Variants in ERC2 observed in about 807,000 individuals in gnomAD.
ERC2 encodes the protein ERC protein 2.
Under a neutral mutation model 114.8 loss-of-function variants are expected in ERC2, and 42 were observed. The ratio of observed to expected loss-of-function variants is 0.37; its 90% CI spans 0.29 to 0.47. The LOEUF (loss-of-function observed/expected upper bound fraction) is 0.47, where lower values mean the gene tolerates loss of function less well. ERC2 is among the 20% of genes least tolerant of loss of function. The probability of loss-of-function intolerance (pLI) is 0.99; values close to 1 mark genes in which losing one functional copy is unlikely to be tolerated. For missense variants in ERC2, 939 were observed against 1,150.7 expected (o/e 0.82, Z 2.66); for synonymous variants, 454 against 425.5 (o/e 1.07, Z -0.82).
intron 1 of ERC2, among the ~76,000 whole-genome samples, chr3:56,455,889 C>T (rs1486347051): frequency 6.6e-6 from 1 of 152,154 alleles, no homozygotes; most frequent in Non-Finnish European, 1.5e-5. Context: ...ATTTTGTATC[C>T]AGCTCAATCT....
intron 17 of ERC2, among the ~76,000 whole-genome samples, chr3:55,593,396 T>C (rs758371574): frequency 1.3e-5 from 2 of 152,012 alleles, no homozygotes; most frequent in Non-Finnish European, 2.9e-5. Flanking sequence ...AGGATGAAAA[T>C]AGGATGAAAC....
In ERC2 at chr3:55,964,947, C is replaced by T. The variant is rs187342773; in HGVS notation, c.2268-14387G>A. Reference sequence around the variant, plus strand: ...CATGTGGCCTTCTACCTAAGCAGTTCATAACATGCCTGTTTGATTCTTTGA... The same window carrying T: ...CATGTGGCCTTCTACCTAAGCAGTTTATAACATGCCTGTTTGATTCTTTGA... On this transcript the variant is annotated intron_variant, in intron 12 of 17. Transcript: ENST00000288221. Among the ~76,000 whole-genome samples the T allele has an allele frequency of 5.9e-5, 9 of 152,334 alleles. No individual in the cohort carries two copies. The East Asian group carries it at 1.7e-3, about 29-fold the overall frequency.
At chr3:56,362,602 C>A (rs1259774999) in intron 2 of ERC2, among the ~76,000 whole-genome samples, 1 of 152,246 alleles carries the variant, frequency 6.6e-6, no homozygotes, top group African/African-American at 2.4e-5. Context: ...CCCCTTTCAG[C>A]TGCACTCTCA....
intron 3 of ERC2, among the ~76,000 whole-genome samples, chr3:56,250,872 G>T (rs1242535720): frequency 6.6e-6 from 1 of 152,166 alleles, no homozygotes; most frequent in Non-Finnish European, 1.5e-5. Flanking sequence ...CCTTATAACA[G>T]TGAGACCCAG....
chr3:56,360,117 T>G (rs1297438339), intron 2 of ERC2, among the ~76,000 whole-genome samples: 1 of 132,860 alleles, frequency 7.5e-6, no homozygotes, highest in Non-Finnish European at 1.5e-5. Flanking sequence ...CAGGCTGGAG[T>G]GCAGTGAGGT....
At chr3:55,656,148 T>C (rs111491537) in intron 17 of ERC2, among the ~76,000 whole-genome samples, 1 of 151,612 alleles carries the variant, frequency 6.6e-6, no homozygotes, top group East Asian at 1.9e-4. Context: ...ATTTAAAGAA[T>C]TTTTTTTAGA....
chr3:56,041,898 G>A (rs143195361), intron 7 of ERC2, among the ~76,000 whole-genome samples: 225 of 152,302 alleles, frequency 1.5e-3, no homozygotes, highest in African/African-American at 4.7e-3. Context: ...ACACCCTGTT[G>A]CAGAAATGGA....
At chr3:55,949,051 C>T (rs1231321557) in intron 13 of ERC2, among the ~76,000 whole-genome samples, 1 of 152,106 alleles carries the variant, frequency 6.6e-6, no homozygotes, top group African/African-American at 2.4e-5. Flanking sequence ...AAGGTGAGCC[C>T]TAAGGTCAGG....
chr3:55,958,372 TCCATGGGTGG>T (rs1318747223), intron 12 of ERC2, among the ~76,000 whole-genome samples: 1 of 152,162 alleles, frequency 6.6e-6, no homozygotes, highest in Non-Finnish European at 1.5e-5. Flanking sequence ...TGCTGATTGT[TCCATGGGTGG>T]CCATGGGCAG....
intron 13 of ERC2, among the ~76,000 whole-genome samples, chr3:55,909,179 C>T (rs1185729558): frequency 6.6e-6 from 1 of 152,208 alleles, no homozygotes; most frequent in Non-Finnish European, 1.5e-5. Flanking sequence ...GCCAAGCTGC[C>T]TTCCTCTAGA....
At chr3:55,938,401 G>A (rs1253456432) in intron 13 of ERC2, among the ~76,000 whole-genome samples, 2 of 152,204 alleles carry the variant, frequency 1.3e-5, no homozygotes, top group African/African-American at 2.4e-5. Context: ...GGACTCTAAC[G>A]TACATGTGGT....
intron 14 of ERC2, among the ~76,000 whole-genome samples, chr3:55,788,214 A>T (rs546827905): frequency 1.3e-5 from 2 of 152,168 alleles, no homozygotes; most frequent in African/African-American, 2.4e-5. Flanking sequence ...GCCAGTTCCA[A>T]TTGGGATGTA....
At chr3:55,525,942 T>C (rs1004192050) in intron 17 of ERC2, among the ~76,000 whole-genome samples, 5 of 152,228 alleles carry the variant, frequency 3.3e-5, no homozygotes, top group African/African-American at 1.2e-4. Context: ...TAAATGTGAA[T>C]GTGACCTTGT....
At chr3:55,748,937 T>G (rs1343755216) in intron 14 of ERC2, among the ~76,000 whole-genome samples, 1 of 152,248 alleles carries the variant, frequency 6.6e-6, no homozygotes, top group Non-Finnish European at 1.5e-5. Flanking sequence ...GGAGTTTTAT[T>G]GGTTTCTTTG....
At chr3:55,756,464 G>C (rs1386218769) in intron 14 of ERC2, among the ~76,000 whole-genome samples, 1 of 152,114 alleles carries the variant, frequency 6.6e-6, no homozygotes. Flanking sequence ...ACAAGGAATG[G>C]GAAATTGGAC....
At chr3:55,956,431 C>T (rs1247062950) in intron 12 of ERC2, among the ~76,000 whole-genome samples, 1 of 139,322 alleles carries the variant, frequency 7.2e-6, no homozygotes, top group African/African-American at 2.8e-5. Flanking sequence ...CTTGTAACCA[C>T]TGAGATTATT....
intron 7 of ERC2, among the ~76,000 whole-genome samples, chr3:56,046,559 A>G (rs1415396581): frequency 6.6e-6 from 1 of 152,228 alleles, no homozygotes; most frequent in African/African-American, 2.4e-5. Flanking sequence ...CTTAGAACCC[A>G]TTGGAGGCCA....
intron 17 of ERC2, among the ~76,000 whole-genome samples, chr3:55,564,488 G>A (rs1449567973): frequency 1.3e-5 from 2 of 152,170 alleles, no homozygotes; most frequent in Non-Finnish European, 2.9e-5. Flanking sequence ...TTCCCTGACT[G>A]TAATATGGGA....
At chr3:56,431,289 C>T (rs531325741) in intron 2 of ERC2, among the ~76,000 whole-genome samples, 3 of 152,320 alleles carry the variant, frequency 2.0e-5, no homozygotes, top group South Asian at 4.2e-4. Context: ...TAGTAATCCA[C>T]CATATATGTG....
Sources: allele counts gnomAD v4.1 joint callset (sites outside exome capture counted in the v4.1 genomes callset), GRCh38; gene constraint gnomAD v4.1.1; transcripts MANE v1.5; gene names NCBI Gene and HGNC (gene_info 2026-07-23, HGNC 2026-07-21).